Variants in SLC43A3 observed in about 807,000 individuals in gnomAD.
SLC43A3 encodes equilibrative nucleobase transporter 1.
In SLC43A3, 33 loss-of-function variants were observed where a neutral mutation model predicts 53.3. That is an observed-to-expected ratio of 0.62 (90% CI 0.47 to 0.83). SLC43A3 has a LOEUF of 0.83. Among genes scored for constraint, SLC43A3 ranks in the 40% least tolerant of loss-of-function variants. SLC43A3 has a pLI of 0.00. For missense variants in SLC43A3, 530 were observed against 610.0 expected (o/e 0.87, Z 1.38); for synonymous variants, 236 against 246.2 (o/e 0.96, Z 0.39).
chr11:57,409,033 T>C (rs1482293802), intron 13 of SLC43A3, 142 bp downstream of exon 13: 2 of 821,382 alleles, frequency 2.4e-6, no homozygotes, highest in Non-Finnish European at 4.0e-6. Context: ...CACAAATACT[T>C]TTGCCCCAAA....
chr11:57,424,066 GA>G (rs759302208), intron 4 of SLC43A3, 38 bp from the exon 5 acceptor site: 3 of 1,601,884 alleles, frequency 1.9e-6, no homozygotes, highest in Non-Finnish European at 2.6e-6. Context: ...TATTGTCAAG[GA>G]GGGAGAAACC....
intron 5 of SLC43A3, among the ~76,000 whole-genome samples, chr11:57,423,151 T>C (rs779851610): frequency 6.6e-6 from 1 of 152,206 alleles, no homozygotes; most frequent in African/African-American, 2.4e-5. Context: ...GCCATGGACA[T>C]GTCTTTGCAA....
intron 11 of SLC43A3, 77 bp downstream of exon 11, chr11:57,414,538 A>C: frequency 1.1e-5 from 6 of 554,684 alleles, no homozygotes; most frequent in Admixed American, 2.5e-5. Context: ...AAAAAGAGCG[A>C]GAGAAGATGT....
rs1943103041 is a variant in SLC43A3, at chr11:57,424,100, C to G, written c.315-72G>C. The G allele has an allele frequency of 2.1e-6, 3 of 1,450,424 alleles. No individual in the cohort carries two copies. In the East Asian group the frequency reaches 7.1e-5, roughly 34 times the overall value. 89.8% of individuals were successfully genotyped at this position (1,450,424 alleles called of 1,614,324 possible). On this transcript the variant is annotated intron_variant, in intron 4 of 13. Coordinates refer to ENST00000395124, the MANE Select transcript of SLC43A3 (RefSeq NM_199329.3). ...ACCTGGGAGAAAAAACATGATTCTG[C>G]TCAGCCAGCCCACAAGTGTAGGACT...
At chr11:57,419,862 G>C (rs185402704) in intron 7 of SLC43A3, among the ~76,000 whole-genome samples, 1 of 151,982 alleles carries the variant, frequency 6.6e-6, no homozygotes, top group African/African-American at 2.4e-5. Context: ...TTCTCCAGGG[G>C]AAGGAGGGAG....
At chr11:57,415,239 C>T (rs905999751) in intron 9 of SLC43A3, 133 bp from the exon 10 acceptor site, 11 of 1,539,094 alleles carry the variant, frequency 7.1e-6, no homozygotes, top group East Asian at 2.4e-5. Flanking sequence ...ACTCACCCGG[C>T]GTGCTCTGCA....
chr11:57,418,889 C>CAA (rs112768792), intron 7 of SLC43A3, among the ~76,000 whole-genome samples: 7 of 128,006 alleles, frequency 5.5e-5, no homozygotes, highest in African/African-American at 1.4e-4. Flanking sequence ...GACTCTGTCT[C>CAA]AAAAAAAAAA....
chr11:57,415,230 C>T, intron 9 of SLC43A3, 124 bp from the exon 10 acceptor site: 2 of 1,542,368 alleles, frequency 1.3e-6, no homozygotes, highest in South Asian at 1.2e-5. Context: ...GCTCCCAGAA[C>T]TCACCCGGCG....
intron 5 of SLC43A3, among the ~76,000 whole-genome samples, chr11:57,422,042 A>G (rs1332308555): frequency 6.6e-6 from 1 of 152,238 alleles, no homozygotes; most frequent in African/African-American, 2.4e-5. Flanking sequence ...AAAAAAGCTC[A>G]AGAGCTGGGC....
At chr11:57,413,061 CAAAAA>C (rs1190635755) in intron 11 of SLC43A3, among the ~76,000 whole-genome samples, 2 of 76,272 alleles carry the variant, frequency 2.6e-5, no homozygotes. Flanking sequence ...TTATTCACGG[CAAAAA>C]AAAAAAAAAA....
chr11:57,409,780 C>T (rs555579645), intron 12 of SLC43A3, among the ~76,000 whole-genome samples, 155 bp downstream of exon 12: 3 of 152,292 alleles, frequency 2.0e-5, no homozygotes, highest in Admixed American at 1.3e-4. Context: ...TCCTTCCCAC[C>T]ACCTCTGGTC....
chr11:57,419,388 T>C (rs1182679070), intron 7 of SLC43A3, among the ~76,000 whole-genome samples: 1 of 152,150 alleles, frequency 6.6e-6, no homozygotes, highest in African/African-American at 2.4e-5. Flanking sequence ...GAGAGTGACG[T>C]TGAGGTCCAG....
intron 11 of SLC43A3, among the ~76,000 whole-genome samples, chr11:57,412,929 T>C (rs573618401): frequency 1.3e-5 from 2 of 152,184 alleles, no homozygotes; most frequent in South Asian, 2.1e-4. Context: ...GGAAACTTTA[T>C]AGTGGATGGA....
intron 7 of SLC43A3, among the ~76,000 whole-genome samples, chr11:57,419,624 C>A (rs1209462467): frequency 1.3e-5 from 2 of 151,874 alleles, no homozygotes; most frequent in Non-Finnish European, 2.9e-5. Context: ...ATGGCGAAAC[C>A]CCATCTCTAC....
chr11:57,409,032 T>G lies in SLC43A3; in HGVS notation c.1371+143A>C, dbSNP rs532468276. Reference sequence around the variant, plus strand: ...TCTGTTTCCCCACACACACAAATACTTTTGCCCCAAATACTTGAATAACAC... The same window carrying G: ...TCTGTTTCCCCACACACACAAATACGTTTGCCCCAAATACTTGAATAACAC... On this transcript the variant is annotated intron_variant, in intron 13 of 13. Transcript: ENST00000395124. 4.3e-4 allele frequency: 356 copies of G among 823,678 alleles called. 1 individual carries two copies. Among genetic ancestry groups the G allele is most frequent in the Middle Eastern group, 2.6e-3 (8 of 3,034 alleles). The allele number at this position is 823,678 out of a possible 1,614,324, so 51.0% of individuals were successfully genotyped here.
chr11:57,410,625 G>C (rs1199977173), intron 11 of SLC43A3, among the ~76,000 whole-genome samples: 1 of 148,674 alleles, frequency 6.7e-6, no homozygotes, highest in Non-Finnish European at 1.5e-5. Flanking sequence ...TCAGGATAGA[G>C]TTACATCAAA....
chr11:57,421,423 A>G, intron 5 of SLC43A3, 50 bp from the exon 6 acceptor site: 1 of 1,386,244 alleles, frequency 7.2e-7, no homozygotes, highest in South Asian at 1.2e-5. Flanking sequence ...CAACCCAAAC[A>G]TGGAGCCCCA....
chr11:57,409,338 G>A, intron 12 of SLC43A3, 40 bp from the exon 13 acceptor site: 2 of 1,612,404 alleles, frequency 1.2e-6, no homozygotes, highest in South Asian at 1.1e-5. Context: ...GAGCTTCAGG[G>A]ACCCTCCCTC....
chr11:57,416,467 T>C (rs1942727674), intron 9 of SLC43A3, 106 bp downstream of exon 9: 2 of 820,140 alleles, frequency 2.4e-6, no homozygotes, highest in Non-Finnish European at 4.1e-6. Context: ...CTGTCCTGCC[T>C]TTCCTGATTC....
Sources: gnomAD v4.1 joint callset for allele counts (sites outside exome capture counted in the v4.1 genomes callset) on GRCh38, gnomAD v4.1.1 for gene constraint, MANE v1.5 for transcripts, NCBI Gene and HGNC (gene_info 2026-07-23, HGNC 2026-07-21) for gene names.